ARHGAP33: variants seen among roughly 807,000 people sequenced by gnomAD.
ARHGAP33 encodes the protein Rho GTPase activating protein 33, also known as rho GTPase-activating protein 33.
Under a neutral mutation model 126.2 loss-of-function variants are expected in ARHGAP33, and 57 were observed. The ratio of observed to expected loss-of-function variants is 0.45; its 90% CI spans 0.36 to 0.56. ARHGAP33 has a LOEUF of 0.56. ARHGAP33 is among the 20% of genes least tolerant of loss of function. The probability of loss-of-function intolerance (pLI) is 0.00; values close to 1 mark genes in which losing one functional copy is unlikely to be tolerated. For synonymous variants in ARHGAP33, 711 were observed against 755.0 expected (o/e 0.94, Z 0.95); for missense variants, 1,500 against 1,748.3 (o/e 0.86, Z 2.53).
chr19:35,782,990 C>A lies in ARHGAP33; in HGVS notation c.1421+121C>A. On this transcript the variant is annotated intron_variant, in intron 15 of 20. Coordinates refer to ENST00000007510, the MANE Select transcript of ARHGAP33 (RefSeq NM_001366178.1). The surrounding 1 kb of genome is among the most constrained non-coding windows in gnomAD (Gnocchi z 4.1). ...TGTCTATCAAATACCTCCCATGGAC[C>A]TGGCCCCGTCCCTAGCACTGGGGAC... The A allele has an allele frequency of 1.2e-6, 1 of 852,466 alleles. No individual in the cohort carries two copies. Among genetic ancestry groups the A allele is most frequent in the East Asian group, 2.7e-5 (1 of 37,502 alleles). 52.8% of individuals were successfully genotyped at this position (852,466 alleles called of 1,614,324 possible). A position where few individuals can be genotyped will look rare whatever the true frequency, so the allele number is the denominator to read the frequency against.
chr19:35,779,936 A>ATGGGGAAGCCTTCAGG (rs1027395410), intron 6 of ARHGAP33: 6 of 563,730 alleles, frequency 1.1e-5, no homozygotes, highest in South Asian at 1.5e-5. Context: ...GCAGAGGTGG[A>ATGGGGAAGCCTTCAGG]TGGGGAAGCC....
rs781401817 is a variant in ARHGAP33 at position 35,782,744 on chromosome 19, C to A, written c.1314-18C>A. 9.3e-6 allele frequency: 15 copies of A among 1,611,774 alleles called. No homozygotes were observed. The highest frequency in any genetic ancestry group is 8.5e-6 in the Non-Finnish European group (10 of 1,178,788). ...AAGGGGGTTGAGGCTCAGGTGCCCC[C>A]TCTGCTCCCACCCCCAGGACCCTGG... On this transcript the variant is annotated intron_variant, in intron 14 of 20. Transcript: ENST00000007510. This position sits in a 1 kb window ranked among gnomAD's most constrained non-coding sequence, Gnocchi z 4.1.
At position 35,777,661 on chromosome 19, in the gene ARHGAP33, G is replaced by A; in HGVS notation, c.23G>A (p.Ser8Asn). 1 of 1,577,112 alleles carries A rather than the reference G, an allele frequency of 6.3e-7. No individual in the cohort carries two copies. Among genetic ancestry groups the A allele is most frequent in the Non-Finnish European group, 8.6e-7 (1 of 1,160,848 alleles). ...GCTCTACAGGCACGCAGCACTGACA[G>A]CCTGGATGGCCCAGGGGAGGGCTCG... MVARSTD[S>N]LDGPGEGSVQ... is the part of the protein sequence containing the mutation. Residue 8 changes from serine (S) to asparagine (N), a missense_variant, in exon 2 of 21, where the codon AGC becomes AAC. Physicochemically the swap from Ser to Asn is conservative, Grantham distance 46. Around this residue, in one of 6 missense-constraint regions of ARHGAP33, gnomAD observed 129 missense variants for 145.9 expected, o/e 0.88. Coordinates refer to ENST00000007510, the MANE Select transcript of ARHGAP33 (RefSeq NM_001366178.1).
Position 35,781,234 on chromosome 19 carries a change from C to T in ARHGAP33, c.1067C>T (p.Ser356Phe). Residue 356 changes from serine (S) to phenylalanine (F), a missense_variant, in exon 12 of 21, where the codon TCC becomes TTC. Physicochemically the swap from Ser to Phe is radical, Grantham distance 155 (BLOSUM62 -2). Coordinates refer to ENST00000007510, the MANE Select transcript of ARHGAP33 (RefSeq NM_001366178.1). ...DGIYRLSGVS[S>F]NIQRLRHEFD... ...ATCTACCGGCTCTCAGGCGTGTCTT[C>T]CAACATCCAGAGGCTTCGGTGAGGG... 6.2e-7 allele frequency: 1 copy of T among 1,614,138 alleles called. No individual in the cohort carries two copies. Among genetic ancestry groups the T allele is most frequent in the Non-Finnish European group, 8.5e-7 (1 of 1,180,024 alleles).
chr19:35,787,094 C>T (rs759766966), intron 20 of ARHGAP33, 22 bp downstream of exon 20: 11 of 1,597,848 alleles, frequency 6.9e-6, no homozygotes, highest in Admixed American at 5.3e-5. Context: ...GCCTACCCCA[C>T]CCCTGTCCCC....
chr19:35,786,021 TG>T lies in ARHGAP33; in HGVS notation c.1943-389del, dbSNP rs1055815955. Reference sequence around the variant, plus strand: ...GCTACCTCACAGCCCGCCGCGCTGCTGGGTGCTGCTCTCCGACCTCTGCGGG... The same window carrying T: ...GCTACCTCACAGCCCGCCGCGCTGCTGGTGCTGCTCTCCGACCTCTGCGGG... On this transcript the variant is annotated intron_variant, in intron 19 of 20. Transcript: ENST00000007510. The surrounding 1 kb of genome is among the most constrained non-coding windows in gnomAD (Gnocchi z 7.0). The T allele has an allele frequency of 1.2e-5, 14 of 1,122,900 alleles. No individual in the cohort carries two copies. The South Asian group carries it at 1.6e-4, about 13-fold the overall frequency. 69.6% of individuals were successfully genotyped at this position (1,122,900 alleles called of 1,614,324 possible). A position where few individuals can be genotyped will look rare whatever the true frequency, so the allele number is the denominator to read the frequency against.
rs941731905 is a variant in ARHGAP33 at position 35,784,813 on chromosome 19, G to A, written c.1568-140G>A. On this transcript the variant is annotated intron_variant, in intron 16 of 20. Coordinates refer to ENST00000007510, the MANE Select transcript of ARHGAP33 (RefSeq NM_001366178.1). The stretch of plus-strand genomic sequence containing the variant: ...ACCTGCCTGCTGCCCGCCTGCTCCC[G>A]CCTGATCCGCCCCGGCCCCCTGCCT... The A allele has an allele frequency of 9.7e-6, 11 of 1,137,354 alleles. No individual in the cohort carries two copies. The African/African-American group carries it at 1.1e-4, about 11-fold the overall frequency. 70.5% of individuals were successfully genotyped at this position (1,137,354 alleles called of 1,614,324 possible).
chr19:35,777,837 C>G lies in ARHGAP33; in HGVS notation c.118C>G (p.Arg40Gly). The change falls in exon 3 of 21, where the codon CGA becomes GGA. Residue 40 changes from arginine to glycine, a missense_variant. Physicochemically the swap from Arg to Gly is moderately radical, Grantham distance 125 (BLOSUM62 -2). Coordinates refer to ENST00000007510, the MANE Select transcript of ARHGAP33 (RefSeq NM_001366178.1). The stretch of plus-strand genomic sequence containing the variant: ...CCTGTCTCCCAGGCTCTCAGCTCCT[C>G]GAGGCCCCTTCCCGCGGCTGGCTGA... ...GKPGKRLSAP[R>G]GPFPRLADCA... is the part of the protein sequence containing the mutation. 6.2e-7 allele frequency: 1 copy of G among 1,614,192 alleles called. No homozygotes were observed. The highest frequency in any genetic ancestry group is 2.2e-5 in the East Asian group (1 of 44,882).
At position 35,785,274 on chromosome 19, in the gene ARHGAP33, G is replaced by A; in HGVS notation, c.1807G>A (p.Val603Ile). The change falls in exon 18 of 21, where the codon GTC (valine) becomes ATC (isoleucine). Residue 603 changes from valine (V) to isoleucine (I), a missense_variant. Transcript: ENST00000007510. ...TFFALGRGPS[V>I]PRKKPLPWLG... ...CTTTGCACTGGGCCGGGGCCCCAGT[G>A]TCCCTCGAAAGAAGCCCCTGCCCTG... 1 of 1,598,168 alleles carries A rather than the reference G, an allele frequency of 6.3e-7. No individual in the cohort carries two copies. Among genetic ancestry groups the A allele is most frequent in the Non-Finnish European group, 8.5e-7 (1 of 1,172,172 alleles).
chr19:35,788,734 G>A lies in ARHGAP33; in HGVS notation c.*305G>A, dbSNP rs561090694. ...CCCCAGCATGTCCTGACCTGTGCAC[G>A]GGGATGGGGGGACAACTCCTACCCT... On this transcript the variant is annotated 3_prime_UTR_variant, in exon 21 of 21. Coordinates refer to ENST00000007510, the MANE Select transcript of ARHGAP33 (RefSeq NM_001366178.1). 2.0e-4 allele frequency: 66 copies of A among 322,216 alleles called. No homozygotes were observed. In the Middle Eastern group the frequency reaches 2.5e-3, roughly 12 times the overall value. The allele number at this position is 322,216 out of a possible 1,614,324, so 20.0% of individuals were successfully genotyped here. A position where few individuals can be genotyped will look rare whatever the true frequency, so the allele number is the denominator to read the frequency against.
Position 35,787,238 on chromosome 19 carries a change from GC to G in ARHGAP33, c.2678del (p.Pro893LeufsTer64), listed in dbSNP as rs780765844. ...TGCGCCCTGGGGGTGCCCCACCCCC[GC>G]CCCCTAAGAACCCAGCACGCCTCAT... The part of the protein sequence containing the change: ...LLRPGGAPPP[P>X]PKNPARLMAL... On this transcript the variant is annotated frameshift_variant, in exon 21 of 21. Coordinates refer to ENST00000007510, the MANE Select transcript of ARHGAP33 (RefSeq NM_001366178.1). LOFTEE classifies it high-confidence loss of function. 5 of 1,255,638 alleles carry G rather than the reference GC, an allele frequency of 4.0e-6. No homozygotes were observed. The highest frequency in any genetic ancestry group is 5.7e-6 in the Non-Finnish European group (5 of 872,540). The allele number at this position is 1,255,638 out of a possible 1,614,324, so 77.8% of individuals were successfully genotyped here.
chr19:35,786,618 C>G lies in ARHGAP33; in HGVS notation c.2148C>G (p.Ala716=). The G allele has an allele frequency of 2.0e-6, 3 of 1,535,896 alleles. No homozygotes were observed. The highest frequency in any genetic ancestry group is 2.6e-6 in the Non-Finnish European group (3 of 1,146,800). Residue 716 remains alanine (A), a synonymous_variant, in exon 20 of 21, where the codon GCC becomes GCG. Coordinates refer to ENST00000007510, the MANE Select transcript of ARHGAP33 (RefSeq NM_001366178.1). This position sits in a 1 kb window ranked among gnomAD's most constrained non-coding sequence, Gnocchi z 7.0. ...GGTCTCCCTCACACCGTACCTCAGCCTGGCTAGATGATGGTGATGAGCTGG... is the reference window on the plus strand; with the variant it reads ...GGTCTCCCTCACACCGTACCTCAGCGTGGCTAGATGATGGTGATGAGCTGG... ...LSGSPSHRTS[A]WLDDGDELDF... is the part of the protein sequence containing the mutation.
chr19:35,781,287 G>A (rs1209516972), intron 12 of ARHGAP33, 35 bp downstream of exon 12: 2 of 1,602,646 alleles, frequency 1.2e-6, no homozygotes, highest in Admixed American at 1.7e-5. Flanking sequence ...CCTTCCACAG[G>A]CACTCACCCA....
At chr19:35,776,224 A>C (rs1343019621) in intron 1 of ARHGAP33, among the ~76,000 whole-genome samples, 2 of 127,804 alleles carry the variant, frequency 1.6e-5, no homozygotes, top group African/African-American at 3.0e-5. Context: ...CTCTCCAGCC[A>C]CTCCTTCCTT....
At position 35,782,556 on chromosome 19, in the gene ARHGAP33, G is replaced by A. The variant is rs748169335; in HGVS notation, c.1230+39G>A. On this transcript the variant is annotated intron_variant, in intron 13 of 20. Transcript: ENST00000007510. The surrounding 1 kb of genome is among the most constrained non-coding windows in gnomAD (Gnocchi z 4.1). ...CTGGCGGGACGGAGGGGGCCGGGACGCCTCTGGCCCAGACCTCATCACACC... is the reference window on the plus strand; with the variant it reads ...CTGGCGGGACGGAGGGGGCCGGGACACCTCTGGCCCAGACCTCATCACACC... 1.3e-5 allele frequency: 21 copies of A among 1,613,354 alleles called. No homozygotes were observed. The highest frequency in any genetic ancestry group is 1.6e-4 in the Middle Eastern group (1 of 6,084).
Position 35,782,276 on chromosome 19 carries a change from A to G in ARHGAP33, c.1086-97A>G. 1 of 1,415,138 alleles carries G rather than the reference A, an allele frequency of 7.1e-7. No homozygotes were observed. Among genetic ancestry groups the G allele is most frequent in the Admixed American group, 1.9e-5 (1 of 53,136 alleles). The allele number at this position is 1,415,138 out of a possible 1,614,324, so 87.7% of individuals were successfully genotyped here. ...GGACCTGGGGAAGAGGGTTCCATCC[A>G]CCTGCGGGCACTTGGGGGTAGGGGC... On this transcript the variant is annotated intron_variant, in intron 12 of 20. Transcript: ENST00000007510. This position sits in a 1 kb window ranked among gnomAD's most constrained non-coding sequence, Gnocchi z 4.1.
chr19:35,786,523 G>C lies in ARHGAP33; in HGVS notation c.2053G>C (p.Glu685Gln). The part of the protein sequence containing the change: ...CESLSSSSSS[E>Q]SSSSESSSSS... ...GAGCCTGTCCTCGTCCTCCTCCTCC[G>C]AGTCCTCCTCCTCTGAGTCCTCCTC... is the stretch of plus-strand genomic sequence containing the variant. The change falls in exon 20 of 21, where the codon GAG becomes CAG. Residue 685 changes from glutamate to glutamine, a missense_variant. Coordinates refer to ENST00000007510, the MANE Select transcript of ARHGAP33 (RefSeq NM_001366178.1). This position sits in a 1 kb window ranked among gnomAD's most constrained non-coding sequence, Gnocchi z 7.0. 1.3e-6 allele frequency: 2 copies of C among 1,535,594 alleles called. No individual in the cohort carries two copies. The highest frequency in any genetic ancestry group is 1.2e-5 in the South Asian group (1 of 84,028).
intron 12 of ARHGAP33, among the ~76,000 whole-genome samples, chr19:35,781,853 C>T (rs1048213814): frequency 6.6e-6 from 1 of 151,810 alleles, no homozygotes; most frequent in Non-Finnish European, 1.5e-5. Flanking sequence ...TGAGCCGGGG[C>T]GGGGTCTAGA....
chr19:35,786,517 T>C lies in ARHGAP33; in HGVS notation c.2047T>C (p.Ser683Pro). ...GSCESLSSSSSSESSSSESSS... is the reference protein window; with the variant it reads ...GSCESLSSSSPSESSSSESSS... ...CTGCGAGAGCCTGTCCTCGTCCTCC[T>C]CCTCCGAGTCCTCCTCCTCTGAGTC... The change falls in exon 20 of 21, where the codon TCC becomes CCC. Residue 683 changes from serine (S) to proline (P), a missense_variant. By Grantham distance (74) the Ser-to-Pro change is moderately conservative. Transcript: ENST00000007510. The surrounding 1 kb of genome is among the most constrained non-coding windows in gnomAD (Gnocchi z 7.0). 2.0e-6 allele frequency: 3 copies of C among 1,535,686 alleles called. No individual in the cohort carries two copies. The highest frequency in any genetic ancestry group is 2.6e-6 in the Non-Finnish European group (3 of 1,146,514).
Sources: gnomAD v4.1 joint callset for allele counts (sites outside exome capture counted in the v4.1 genomes callset) on GRCh38, gnomAD v4.1.1 for gene constraint, gnomAD v4.1.1 regional missense constraint, Gnocchi (gnomAD v3.1) non-coding constraint, MANE v1.5 for transcripts, NCBI Gene and HGNC (gene_info 2026-07-23, HGNC 2026-07-21) for gene names.